CTNNA3: variants seen among roughly 807,000 people sequenced by gnomAD.
The protein encoded by CTNNA3 is catenin alpha-3.
A neutral mutation model predicts 95.7 loss-of-function variants in CTNNA3; 76 were observed. The ratio of observed to expected loss-of-function variants is 0.79; its 90% confidence interval spans 0.66 to 0.96. CTNNA3 has a LOEUF of 0.96. CTNNA3 is among the 40% of genes least tolerant of loss of function. CTNNA3 has a pLI of 0.00. For synonymous variants in CTNNA3, 431 were observed against 374.4 expected, an observed-to-expected ratio of 1.15 and a Z score of -1.74; for missense variants, 1,191 against 1,089.8, an observed-to-expected ratio of 1.09 and a Z score of -1.31.
chr10:67,056,710 T>A (rs1855452842), intron 7 of CTNNA3, among the ~76,000 whole-genome samples: 1 of 152,184 alleles, frequency 6.6e-6, no homozygotes, highest in Non-Finnish European at 1.5e-5. Context: ...TAACTTTCAA[T>A]CACTATGATC....
chr10:66,269,274 A>G (rs1274856587), intron 13 of CTNNA3, among the ~76,000 whole-genome samples: 3 of 152,198 alleles, frequency 2.0e-5, no homozygotes, highest in Non-Finnish European at 4.4e-5. Flanking sequence ...AGGCAAACCT[A>G]AAATAAGTTT....
chr10:66,463,885 A>ATTTTT (rs1405851488), intron 11 of CTNNA3, among the ~76,000 whole-genome samples: 8 of 140,288 alleles, frequency 5.7e-5, no homozygotes, highest in African/African-American at 2.1e-4. Context: ...GTCACTTTCC[A>ATTTTT]ATTTTTTTTT....
Position 67,534,431 on chromosome 10 carries a change from T to C in CTNNA3, c.459+5072A>G, listed in dbSNP as rs771152480. On this transcript the variant is annotated intron_variant, in intron 4 of 17. Coordinates refer to ENST00000433211, the MANE Select transcript of CTNNA3 (RefSeq NM_013266.4). The stretch of plus-strand genomic sequence containing the variant: ...TGCTAGAGAGATAACTATTCTTTAC[T>C]GCATTCCAATGAACATAATTTAGAA... Among the ~76,000 whole-genome samples the C allele has an allele frequency of 7.4e-4, 113 of 152,266 alleles. No individual in the cohort carries two copies. The Middle Eastern group carries it at 0.017, about 23-fold the overall frequency.
chr10:66,977,056 C>T (rs1013924009), intron 7 of CTNNA3, among the ~76,000 whole-genome samples: 2 of 152,014 alleles, frequency 1.3e-5, no homozygotes, highest in Admixed American at 1.3e-4. Context: ...GTTCCATTGT[C>T]TAAAATAATG....
intron 10 of CTNNA3, among the ~76,000 whole-genome samples, chr10:66,555,190 A>G (rs1400421550): frequency 6.6e-6 from 1 of 152,082 alleles, no homozygotes; most frequent in Non-Finnish European, 1.5e-5. Flanking sequence ...GTAGTTCTTC[A>G]AGGTCCCAGC....
chr10:66,020,198 G>T (rs1180615932), intron 15 of CTNNA3, among the ~76,000 whole-genome samples: 1 of 152,144 alleles, frequency 6.6e-6, no homozygotes, highest in East Asian at 1.9e-4. Context: ...ATTTTAATTT[G>T]GGATAAAGGC....
chr10:66,958,580 G>T (rs1395406384), intron 7 of CTNNA3, among the ~76,000 whole-genome samples: 5 of 152,050 alleles, frequency 3.3e-5, no homozygotes, highest in African/African-American at 1.2e-4. Context: ...AAGTAAGTAA[G>T]CGAATCCTGC....
chr10:66,591,413 A>G (rs1392267828), intron 10 of CTNNA3, among the ~76,000 whole-genome samples: 5 of 152,158 alleles, frequency 3.3e-5, no homozygotes, highest in Non-Finnish European at 7.4e-5. Flanking sequence ...ATCAGAAGGA[A>G]AAGATATCAT....
chr10:66,836,700 A>G (rs1372504148), intron 7 of CTNNA3, among the ~76,000 whole-genome samples: 1 of 152,156 alleles, frequency 6.6e-6, no homozygotes, highest in Admixed American at 6.6e-5. Flanking sequence ...TAAATATGGA[A>G]TGCATGCTCT....
At chr10:66,498,321 G>A (rs1430803910) in intron 11 of CTNNA3, among the ~76,000 whole-genome samples, 2 of 151,806 alleles carry the variant, frequency 1.3e-5, no homozygotes, top group East Asian at 1.9e-4. Flanking sequence ...CTTACACGTG[G>A]GTCACTGGCA....
chr10:65,987,574 G>C (rs2078453677), intron 16 of CTNNA3, among the ~76,000 whole-genome samples: 2 of 152,020 alleles, frequency 1.3e-5, no homozygotes, highest in African/African-American at 4.8e-5. Flanking sequence ...CCTGTTGGTA[G>C]GAATGTAAAT....
intron 5 of CTNNA3, among the ~76,000 whole-genome samples, chr10:67,319,243 AGTCTT>A (rs1351575915): frequency 4.6e-5 from 7 of 152,188 alleles, no homozygotes; most frequent in African/African-American, 1.7e-4. Flanking sequence ...TGTGTAACTT[AGTCTT>A]TCCCAGACTT....
intron 7 of CTNNA3, chr10:67,097,947 TAAAG>T (rs1858110666): frequency 1.5e-6 from 1 of 660,750 alleles, no homozygotes; most frequent in African/African-American, 1.8e-5. Context: ...ATTCATGAAA[TAAAG>T]AAGACATGAA....
intron 2 of CTNNA3, among the ~76,000 whole-genome samples, chr10:67,640,914 C>T (rs1017611902): frequency 2.0e-5 from 3 of 152,176 alleles, no homozygotes; most frequent in East Asian, 1.9e-4. Context: ...AGAAGAAAAC[C>T]TAGGCAATAC....
In CTNNA3 at chr10:66,509,895, G is replaced by A. The variant is rs948967500; in HGVS notation, c.1531+10722C>T. Among the ~76,000 whole-genome samples, 39 of 151,916 alleles carry A rather than the reference G, an allele frequency of 2.6e-4. 1 individual carries two copies. The highest frequency in any genetic ancestry group is 6.8e-3 in the Middle Eastern group (2 of 294). On this transcript the variant is annotated intron_variant, in intron 11 of 17. Transcript: ENST00000433211. ...CATTGGGTATTTGGGGTCATTTGTG[G>A]TTCCAGACAATTTTAGGATGTTTTT... is the stretch of plus-strand genomic sequence containing the variant.
rs1187283450 is a variant in CTNNA3 at position 67,176,072 on chromosome 10, T to C, written c.1047+4245A>G. Among the ~76,000 whole-genome samples the C allele has an allele frequency of 3.9e-5, 6 of 152,170 alleles. No individual in the cohort carries two copies. In the South Asian group the frequency reaches 1.2e-3, roughly 32 times the overall value. ...CCTAAGTTTTAAAAGACAAAAGCTA[T>C]ATTTTTTCTGATCCTAAATGTTTCC... is the stretch of plus-strand genomic sequence containing the variant. On this transcript the variant is annotated intron_variant, in intron 7 of 17. Transcript: ENST00000433211.
rs571534833 is a variant in CTNNA3 at position 66,451,982 on chromosome 10, T to A, written c.1531+68635A>T. Among the ~76,000 whole-genome samples the A allele has an allele frequency of 1.2e-4, 18 of 152,236 alleles. No individual in the cohort carries two copies. The East Asian group carries it at 3.3e-3, about 28-fold the overall frequency. The stretch of plus-strand genomic sequence containing the variant: ...CATCTCACTCACTCTCATCTCATTT[T>A]CCCCAGCACTTTCTTCTCCCTCATC... On this transcript the variant is annotated intron_variant, in intron 11 of 17. Transcript: ENST00000433211.
intron 1 of CTNNA3, among the ~76,000 whole-genome samples, chr10:67,686,000 A>C (rs1038093848): frequency 6.8e-6 from 1 of 146,488 alleles, no homozygotes; most frequent in African/African-American, 2.5e-5. Context: ...CTTTCTCTCC[A>C]TCTTTTCTCT....
intron 7 of CTNNA3, among the ~76,000 whole-genome samples, chr10:66,812,121 T>C (rs544486331): frequency 2.6e-5 from 4 of 152,208 alleles, no homozygotes; most frequent in African/African-American, 9.6e-5. Flanking sequence ...GGGAAAATTC[T>C]CTCCTTACTA....
Sources: allele counts gnomAD v4.1 joint callset (sites outside exome capture counted in the v4.1 genomes callset), GRCh38; gene constraint gnomAD v4.1.1; transcripts MANE v1.5; gene names NCBI Gene and HGNC (gene_info 2026-07-23, HGNC 2026-07-21).